The following KCNH3 variants were observed in gnomAD, a reference collection of about 807,000 sequenced individuals.
The protein encoded by KCNH3 is potassium voltage-gated channel subfamily H member 3, also known as voltage-gated inwardly rectifying potassium channel KCNH3.
KCNH3 carries 36 observed loss-of-function variants against 95.6 expected under a neutral mutation model. That is an observed-to-expected ratio of 0.38 (90% confidence interval 0.29 to 0.50). KCNH3 has a LOEUF of 0.50. KCNH3 is among the 20% of genes least tolerant of loss of function. The pLI is 0.95. For synonymous variants in KCNH3, 620 were observed against 646.3 expected (o/e 0.96, Z 0.62); for missense variants, 1,030 against 1,484.1 (o/e 0.69, Z 5.03).
chr12:49,548,133 T>TGCGC (rs1213695749), intron 7 of KCNH3, among the ~76,000 whole-genome samples: 49 of 146,430 alleles, frequency 3.3e-4, no homozygotes, highest in East Asian at 1.6e-3. Flanking sequence ...TGTGTGTGTG[T>TGCGC]GCGCGCGCAC....
At chr12:49,554,206 T>C in intron 10 of KCNH3, 131 bp from the exon 11 acceptor site, 1 of 732,880 alleles carries the variant, frequency 1.4e-6, no homozygotes, top group Non-Finnish European at 2.4e-6. Context: ...CTCCTCTCTC[T>C]GCTGGCTTCA....
At chr12:49,549,670 C>T (rs1173182229) in intron 9 of KCNH3, 30 bp downstream of exon 9, 1 of 1,588,098 alleles carries the variant, frequency 6.3e-7, no homozygotes, top group South Asian at 1.1e-5. Context: ...GCCTGCTAGC[C>T]TTTGCTCCCT....
intron 13 of KCNH3, 59 bp from the exon 14 acceptor site, chr12:49,557,124 C>T (rs1226025330): frequency 1.3e-6 from 2 of 1,555,304 alleles, no homozygotes; most frequent in Non-Finnish European, 1.8e-6. Context: ...GCCTAGACCC[C>T]CAAATTGCCT....
intron 2 of KCNH3, among the ~76,000 whole-genome samples, 198 bp from the exon 3 acceptor site, chr12:49,541,432 G>A (rs368069736): frequency 4.5e-4 from 69 of 152,302 alleles, no homozygotes; most frequent in African/African-American, 1.4e-3. Flanking sequence ...AGGTCTGACC[G>A]TCATGTTTGC....
At chr12:49,544,148 C>T (rs1358742464) in intron 6 of KCNH3, 27 bp from the exon 7 acceptor site, 1 of 1,545,494 alleles carries the variant, frequency 6.5e-7, no homozygotes, top group Non-Finnish European at 8.9e-7. Flanking sequence ...ACCTCCCTCC[C>T]TCCCTCCCTC....
intron 7 of KCNH3, among the ~76,000 whole-genome samples, chr12:49,548,421 T>C (rs1163056671): frequency 6.6e-6 from 1 of 150,464 alleles, no homozygotes; most frequent in East Asian, 2.0e-4. Flanking sequence ...TGTGTGGCTG[T>C]GGGGATGGAT....
intron 13 of KCNH3, chr12:49,556,838 G>T (rs1938474628): frequency 1.6e-6 from 1 of 635,324 alleles, no homozygotes; most frequent in Middle Eastern, 2.5e-4. Flanking sequence ...ATAGAGGGCT[G>T]GGGATCCAGG....
chr12:49,557,522 G>T lies in KCNH3; in HGVS notation c.2821G>T (p.Asp941Tyr). Reference protein sequence around the residue: ...TSGLLQPLCVDTGASSYCLQP... With the variant: ...TSGLLQPLCVYTGASSYCLQP... The stretch of plus-strand genomic sequence containing the variant: ...CGGGCTTCTGCAGCCTCTGTGTGTG[G>T]ACACTGGGGCATCCTCCTACTGCCT... Residue 941 changes from aspartate to tyrosine, a missense_variant, in exon 15 of 15, where the codon GAC becomes TAC. Physicochemically the swap from Asp to Tyr is radical, Grantham distance 160. Transcript: ENST00000257981. 6.2e-7 allele frequency: 1 copy of T among 1,611,672 alleles called. No homozygotes were observed. Among genetic ancestry groups the T allele is most frequent in the South Asian group, 1.1e-5 (1 of 91,082 alleles).
chr12:49,547,683 G>A (rs915686121), intron 7 of KCNH3, among the ~76,000 whole-genome samples: 4 of 152,104 alleles, frequency 2.6e-5, no homozygotes, highest in Admixed American at 1.3e-4. Flanking sequence ...AAGTGTGTGC[G>A]GGCCACAGGA....
At position 49,557,851 on chromosome 12, in the gene KCNH3, C is replaced by A; in HGVS notation, c.3150C>A (p.Gly1050=). 6.3e-7 allele frequency: 1 copy of A among 1,589,858 alleles called. No individual in the cohort carries two copies. Among genetic ancestry groups the A allele is most frequent in the South Asian group, 1.1e-5 (1 of 89,288 alleles). ...STGEPPPGSG[G]LALPWDPHSL... ...GAGAGCCCCCACCAGGGTCAGGGGGCCTGGCCTTGCCCTGGGACCCCCACA... is the reference window on the plus strand; with the variant it reads ...GAGAGCCCCCACCAGGGTCAGGGGGACTGGCCTTGCCCTGGGACCCCCACA... The change falls in exon 15 of 15, where the codon GGC becomes GGA. Residue 1050 remains glycine, a synonymous_variant. Coordinates refer to ENST00000257981, the MANE Select transcript of KCNH3 (RefSeq NM_012284.3).
intron 7 of KCNH3, 94 bp downstream of exon 7, chr12:49,544,476 G>A (rs994895640): frequency 2.4e-6 from 3 of 1,244,122 alleles, no homozygotes; most frequent in East Asian, 4.7e-5. Flanking sequence ...GTCCCTACCT[G>A]TGCAAGTCTG....
chr12:49,541,228 TTC>T, intron 2 of KCNH3, 96 bp downstream of exon 2: 1 of 891,480 alleles, frequency 1.1e-6, no homozygotes, highest in Non-Finnish European at 1.7e-6. Context: ...TGTTGCCATC[TTC>T]TCCATCTCCC....
At position 49,541,080 on chromosome 12, in the gene KCNH3, C is replaced by T. The variant is rs1319397645; in HGVS notation, c.258C>T (p.Ala86=). 3.1e-6 allele frequency: 5 copies of T among 1,611,428 alleles called. No individual in the cohort carries two copies. Among genetic ancestry groups the T allele is most frequent in the Non-Finnish European group, 4.2e-6 (5 of 1,180,046 alleles). The change falls in exon 2 of 15, where the codon GCC becomes GCT. Residue 86 remains alanine (A), a synonymous_variant. Coordinates refer to ENST00000257981, the MANE Select transcript of KCNH3 (RefSeq NM_012284.3). ...TCGTCCGCCAACAGATCCGCAAGGC[C>T]CTGGACGAGCACAAGGAGTTCAAGG... ...SELVRQQIRK[A]LDEHKEFKAE... is the part of the protein sequence containing the mutation.
intron 12 of KCNH3, 150 bp downstream of exon 12, chr12:49,556,101 GCTC>G (rs1938432488): frequency 8.4e-6 from 5 of 597,060 alleles, no homozygotes; most frequent in South Asian, 2.0e-5. Flanking sequence ...AGCCTTCTGT[GCTC>G]CTCCTTTCTC....
chr12:49,547,478 A>C (rs1938098819), intron 7 of KCNH3, among the ~76,000 whole-genome samples: 1 of 152,202 alleles, frequency 6.6e-6, no homozygotes, highest in Admixed American at 6.5e-5. Context: ...CCCTTCTTCC[A>C]GAAGCCTTCT....
chr12:49,554,793 G>A (rs1938377628), intron 11 of KCNH3, among the ~76,000 whole-genome samples: 2 of 152,168 alleles, frequency 1.3e-5, no homozygotes, highest in African/African-American at 2.4e-5. Flanking sequence ...CCTGTCCAGA[G>A]GAATCTTAGT....
chr12:49,558,307 A>G lies in KCNH3; in HGVS notation c.*354A>G. 2.5e-6 allele frequency: 1 copy of G among 403,536 alleles called. No homozygotes were observed. Among genetic ancestry groups the G allele is most frequent in the East Asian group, 3.6e-5 (1 of 28,134 alleles). 25.0% of individuals were successfully genotyped at this position (403,536 alleles called of 1,614,324 possible). On this transcript the variant is annotated 3_prime_UTR_variant, in exon 15 of 15. Coordinates refer to ENST00000257981, the MANE Select transcript of KCNH3 (RefSeq NM_012284.3). ...AAAAAAATAAAATAAACTACTTTGG[A>G]ACCTGGTGCTTTTTATTTACAAAAG... is the stretch of plus-strand genomic sequence containing the variant.
chr12:49,539,437 C>G lies in KCNH3; in HGVS notation c.21C>G (p.Leu7=), dbSNP rs1937792356. Residue 7 remains leucine (L), a synonymous_variant, in exon 1 of 15, where the codon CTC becomes CTG. Transcript: ENST00000257981. The surrounding 1 kb of genome is among the most constrained non-coding windows in gnomAD (Gnocchi z 6.7). MPAMRG[L]LAPQNTFLDT... ...CTAAGATGCCGGCCATGCGGGGCCT[C>G]CTGGCGCCGCAGAACACCTTCCTGG... The G allele has an allele frequency of 3.8e-6, 6 of 1,567,468 alleles. No individual in the cohort carries two copies. Among genetic ancestry groups the G allele is most frequent in the Non-Finnish European group, 5.2e-6 (6 of 1,160,462 alleles).
chr12:49,544,989 C>G (rs1159633128), intron 7 of KCNH3, among the ~76,000 whole-genome samples: 1 of 152,108 alleles, frequency 6.6e-6, no homozygotes, highest in Non-Finnish European at 1.5e-5. Context: ...AGGGCTTCCA[C>G]CCCCACCTCT....
Sources: gnomAD v4.1 joint callset for allele counts (sites outside exome capture counted in the v4.1 genomes callset) on GRCh38, gnomAD v4.1.1 for gene constraint, Gnocchi (gnomAD v3.1) non-coding constraint, MANE v1.5 for transcripts, NCBI Gene and HGNC (gene_info 2026-07-23, HGNC 2026-07-21) for gene names.